The following SH3GL2 variants were observed in gnomAD, a reference collection of about 807,000 sequenced individuals.
The protein encoded by SH3GL2 is endophilin-A1.
In SH3GL2, 24 loss-of-function variants were observed where a neutral mutation model predicts 46.0. The ratio of observed to expected loss-of-function variants is 0.52; its 90% confidence interval spans 0.38 to 0.73. The LOEUF (loss-of-function observed/expected upper bound fraction) is 0.73. Ranked by LOEUF, SH3GL2 falls within the 30% of genes least tolerant of loss-of-function variation. The pLI is 0.00. For missense variants in SH3GL2, 413 were observed against 424.2 expected (o/e 0.97, Z 0.23); for synonymous variants, 196 against 147.1 (o/e 1.33, Z -2.40).
At chr9:17,762,696 T>C (rs1823213076) in intron 3 of SH3GL2, among the ~76,000 whole-genome samples, 1 of 152,216 alleles carries the variant, frequency 6.6e-6, no homozygotes, top group African/African-American at 2.4e-5. Context: ...TAACTGACAG[T>C]GGTCTAGATA....
At chr9:17,684,774 G>A (rs1242887774) in intron 1 of SH3GL2, among the ~76,000 whole-genome samples, 2 of 152,056 alleles carry the variant, frequency 1.3e-5, no homozygotes, top group African/African-American at 4.8e-5. Flanking sequence ...ATCAGAATTA[G>A]GTAAGGTTAC....
rs537613505 is a variant in SH3GL2 at position 17,776,485 on chromosome 9, A to C, written c.188-9896A>C. The stretch of plus-strand genomic sequence containing the variant: ...TACAAATGTCTGTCACAACCTCAAC[A>C]ACCTCACAACCTCAAGTCTGTCCTA... On this transcript the variant is annotated intron_variant, in intron 3 of 8. Transcript: ENST00000380607. Among the ~76,000 whole-genome samples, 123 of 152,232 alleles carry C rather than the reference A, an allele frequency of 8.1e-4. 1 individual carries two copies. The highest frequency in any genetic ancestry group is 2.6e-3 in the African/African-American group (106 of 41,540).
chr9:17,708,549 A>G (rs1360293001), intron 1 of SH3GL2, among the ~76,000 whole-genome samples: 1 of 152,002 alleles, frequency 6.6e-6, no homozygotes, highest in African/African-American at 2.4e-5. Flanking sequence ...TATATTTAAC[A>G]AATATATACG....
intron 1 of SH3GL2, among the ~76,000 whole-genome samples, chr9:17,716,774 C>T (rs1161317212): frequency 6.6e-6 from 1 of 152,084 alleles, no homozygotes; most frequent in Non-Finnish European, 1.5e-5. Context: ...ACTCCATTCG[C>T]CTATGTTCTC....
rs562920127 is a variant in SH3GL2, at chr9:17,680,565, C to T, written c.46-66501C>T. Among the ~76,000 whole-genome samples the T allele has an allele frequency of 2.6e-5, 4 of 152,026 alleles. No homozygotes were observed. The East Asian group carries it at 7.7e-4, about 29-fold the overall frequency. ...CTGGTGGTCTATCAATTTTGTTGAT[C>T]TTTTCAAAAAACCAGCTCCTGGATT... On this transcript the variant is annotated intron_variant, in intron 1 of 8. Transcript: ENST00000380607.
At chr9:17,602,496 C>A (rs1024574095) in intron 1 of SH3GL2, among the ~76,000 whole-genome samples, 1 of 152,166 alleles carries the variant, frequency 6.6e-6, no homozygotes, top group Non-Finnish European at 1.5e-5. Flanking sequence ...TCTTTCACCC[C>A]CATCTCCAGG....
intron 3 of SH3GL2, among the ~76,000 whole-genome samples, chr9:17,781,712 C>T (rs1168458013): frequency 6.6e-6 from 1 of 152,104 alleles, no homozygotes; most frequent in Non-Finnish European, 1.5e-5. Context: ...AAACTCTGAA[C>T]ACTTGATCTA....
chr9:17,764,478 G>A (rs1458573682), intron 3 of SH3GL2, among the ~76,000 whole-genome samples: 1 of 152,176 alleles, frequency 6.6e-6, no homozygotes, highest in Non-Finnish European at 1.5e-5. Context: ...TGCCCACTCA[G>A]CCTTTCAGTG....
chr9:17,771,714 A>G (rs1286975469), intron 3 of SH3GL2, among the ~76,000 whole-genome samples: 2 of 152,148 alleles, frequency 1.3e-5, no homozygotes, highest in East Asian at 1.9e-4. Context: ...TTGCTGCCCC[A>G]TGTCACAAGT....
chr9:17,683,510 T>C (rs978973384), intron 1 of SH3GL2, among the ~76,000 whole-genome samples: 2 of 151,736 alleles, frequency 1.3e-5, no homozygotes, highest in Admixed American at 6.6e-5. Flanking sequence ...TGGAGGAGGG[T>C]CAAAGAAATA....
At chr9:17,732,610 T>C (rs920234774) in intron 1 of SH3GL2, among the ~76,000 whole-genome samples, 5 of 152,088 alleles carry the variant, frequency 3.3e-5, no homozygotes, top group African/African-American at 1.2e-4. Flanking sequence ...ACAGGGGCCA[T>C]GGGAGCACAG....
At chr9:17,765,153 C>A (rs1232794258) in intron 3 of SH3GL2, among the ~76,000 whole-genome samples, 29 of 47,690 alleles carry the variant, frequency 6.1e-4, no homozygotes, top group African/African-American at 3.9e-3. Flanking sequence ...GGTACATGGA[C>A]AGGCCAGGGC....
chr9:17,610,757 TCTC>T (rs1480455983), intron 1 of SH3GL2, among the ~76,000 whole-genome samples: 3 of 152,150 alleles, frequency 2.0e-5, no homozygotes, highest in African/African-American at 4.8e-5. Flanking sequence ...GCGAATATCT[TCTC>T]CTATAAACTA....
rs575366758 is a variant in SH3GL2, at chr9:17,782,309, T to G, written c.188-4072T>G. Among the ~76,000 whole-genome samples the G allele has an allele frequency of 1.9e-4, 29 of 152,240 alleles. No homozygotes were observed. The South Asian group carries it at 6.0e-3, about 32-fold the overall frequency. ...CTCTTTTTCGGGGAAAATAAGAGCC[T>G]TTTTTCTGATTCTGTGAGAGCACGT... On this transcript the variant is annotated intron_variant, in intron 3 of 8. Transcript: ENST00000380607.
At chr9:17,736,369 A>G (rs1822335544) in intron 1 of SH3GL2, among the ~76,000 whole-genome samples, 1 of 152,124 alleles carries the variant, frequency 6.6e-6, no homozygotes, top group Non-Finnish European at 1.5e-5. Context: ...GTCAGTAAAC[A>G]GGACTTTTAT....
At chr9:17,655,448 A>G (rs1820051898) in intron 1 of SH3GL2, among the ~76,000 whole-genome samples, 1 of 152,160 alleles carries the variant, frequency 6.6e-6, no homozygotes, top group Admixed American at 6.5e-5. Context: ...CTAATAAAAC[A>G]CACAACATGA....
Position 17,614,377 on chromosome 9 carries a change from C to G in SH3GL2, c.45+35090C>G, listed in dbSNP as rs138284244. Among the ~76,000 whole-genome samples the G allele has an allele frequency of 4.6e-3, 675 of 147,044 alleles. 8 individuals are homozygous for G. The highest frequency in any genetic ancestry group is 0.016 in the African/African-American group (634 of 40,356). Reference sequence around the variant, plus strand: ...GCATAGCTAGGCTAGCCAGATCCCTCTTTTGGAGGAAATGGGAAAGATTGG... The same window carrying G: ...GCATAGCTAGGCTAGCCAGATCCCTGTTTTGGAGGAAATGGGAAAGATTGG... On this transcript the variant is annotated intron_variant, in intron 1 of 8. Transcript: ENST00000380607.
At chr9:17,630,187 G>C (rs1374141107) in intron 1 of SH3GL2, among the ~76,000 whole-genome samples, 1 of 152,176 alleles carries the variant, frequency 6.6e-6, no homozygotes, top group Non-Finnish European at 1.5e-5. Context: ...GAGCACATGA[G>C]TTGCTGGGTT....
intron 1 of SH3GL2, among the ~76,000 whole-genome samples, chr9:17,596,270 CAAG>C (rs1818569820): frequency 6.6e-6 from 1 of 152,092 alleles, no homozygotes; most frequent in African/African-American, 2.4e-5. Context: ...CTGGTTTCAC[CAAG>C]AAGATGTGTA....
Sources: allele counts gnomAD v4.1 joint callset (sites outside exome capture counted in the v4.1 genomes callset), GRCh38; gene constraint gnomAD v4.1.1; transcripts MANE v1.5; gene names NCBI Gene and HGNC (gene_info 2026-07-23, HGNC 2026-07-21).